The following BRINP2 variants were observed in gnomAD, a reference collection of about 807,000 sequenced individuals.
The protein encoded by BRINP2 is BMP/retinoic acid inducible neural specific 2.
Under a neutral mutation model 69.2 loss-of-function variants are expected in BRINP2, and 21 were observed. The observed-to-expected ratio is 0.30, with a 90% CI of 0.22 to 0.44. BRINP2 has a LOEUF of 0.44. BRINP2 is among the 20% of genes least tolerant of loss of function. BRINP2 has a pLI of 1.00. For missense variants in BRINP2, 877 were observed against 986.0 expected (o/e 0.89, Z 1.48); for synonymous variants, 380 against 394.1 (o/e 0.96, Z 0.42).
intron 1 of BRINP2, among the ~76,000 whole-genome samples, chr1:177,225,062 T>C (rs1649658074): frequency 6.6e-6 from 1 of 152,208 alleles, no homozygotes; most frequent in Non-Finnish European, 1.5e-5. Context: ...CATAAATGGA[T>C]ATTAAAAACA....
At chr1:177,192,695 A>G (rs572366026) in intron 1 of BRINP2, among the ~76,000 whole-genome samples, 11 of 152,348 alleles carry the variant, frequency 7.2e-5, no homozygotes, top group African/African-American at 2.4e-4. Context: ...TGTGAGTGAG[A>G]AAATGAAGAA....
chr1:177,217,587 G>A (rs542796716), intron 1 of BRINP2, among the ~76,000 whole-genome samples: 3 of 151,954 alleles, frequency 2.0e-5, no homozygotes, highest in East Asian at 3.9e-4. Context: ...TCCTTGTATC[G>A]GTGTTTATGC....
At chr1:177,277,523 T>C (rs1366989762) in intron 6 of BRINP2, among the ~76,000 whole-genome samples, 1 of 151,634 alleles carries the variant, frequency 6.6e-6, no homozygotes, top group African/African-American at 2.4e-5. Flanking sequence ...ATGTTTTACC[T>C]ATGCACATAC....
Position 177,229,936 on chromosome 1 carries a change from A to T in BRINP2, c.60A>T (p.Thr20=). 6.2e-7 allele frequency: 1 copy of T among 1,612,266 alleles called. No individual in the cohort carries two copies. Among genetic ancestry groups the T allele is most frequent in the Non-Finnish European group, 8.5e-7 (1 of 1,178,940 alleles). ...RGLRPAVAPW[T]ALLALGLPGW... is the part of the protein sequence containing the mutation. ...TTCGGCCGGCGGTGGCCCCATGGAC[A>T]GCCCTGCTGGCACTGGGCCTGCCTG... The change falls in exon 2 of 8, where the codon ACA becomes ACT. Residue 20 remains threonine, a synonymous_variant. Coordinates refer to ENST00000361539, the MANE Select transcript of BRINP2 (RefSeq NM_021165.4).
At chr1:177,279,671 T>C (rs1275609414) in intron 7 of BRINP2, among the ~76,000 whole-genome samples, 2 of 152,228 alleles carry the variant, frequency 1.3e-5, no homozygotes, top group East Asian at 3.8e-4. Context: ...CAACAAATAA[T>C]GATTAAAGGC....
chr1:177,176,983 T>C (rs920477435), intron 1 of BRINP2, among the ~76,000 whole-genome samples: 1 of 152,212 alleles, frequency 6.6e-6, no homozygotes, highest in African/African-American at 2.4e-5. Flanking sequence ...CTGGGTATGT[T>C]TGTCTTTCAA....
At chr1:177,236,231 G>A (rs1650018603) in intron 2 of BRINP2, among the ~76,000 whole-genome samples, 1 of 152,186 alleles carries the variant, frequency 6.6e-6, no homozygotes, top group Admixed American at 6.5e-5. Context: ...AGGCATCTTA[G>A]GCCTTCCGCC....
intron 1 of BRINP2, among the ~76,000 whole-genome samples, chr1:177,221,066 G>A (rs886388041): frequency 1.3e-5 from 2 of 152,128 alleles, no homozygotes; most frequent in Admixed American, 1.3e-4. Flanking sequence ...AGGAATCTAG[G>A]ATAACCTCAT....
In BRINP2 at chr1:177,278,645, C is replaced by T. The variant is rs1307728687; in HGVS notation, c.1095C>T (p.Asp365=). 6.2e-7 allele frequency: 1 copy of T among 1,614,236 alleles called. No homozygotes were observed. The highest frequency in any genetic ancestry group is 1.7e-5 in the Admixed American group (1 of 60,024). ...CTATCTCCCAGTTCTGGGCCATGGA[C>T]ACCAGCCTTCAGCACCGCTACCAGC... ...STAISQFWAM[D]TSLQHRYQQL... The change falls in exon 7 of 8, where the codon GAC becomes GAT. Residue 365 remains aspartate, a synonymous_variant. Transcript: ENST00000361539.
At chr1:177,184,662 A>AT (rs1011843660) in intron 1 of BRINP2, among the ~76,000 whole-genome samples, 46 of 149,822 alleles carry the variant, frequency 3.1e-4, no homozygotes, top group Admixed American at 5.3e-4. Flanking sequence ...TTTTTTAATC[A>AT]TTTTTTTCCC....
At chr1:177,176,915 C>T (rs987988912) in intron 1 of BRINP2, among the ~76,000 whole-genome samples, 7 of 152,134 alleles carry the variant, frequency 4.6e-5, no homozygotes, top group Admixed American at 1.3e-4. Context: ...TAGAAATAAC[C>T]GAGTAACTAA....
chr1:177,260,826 AT>A (rs1650924363), intron 4 of BRINP2, among the ~76,000 whole-genome samples: 1 of 152,226 alleles, frequency 6.6e-6, no homozygotes, highest in South Asian at 2.1e-4. Flanking sequence ...TAACTTTCAT[AT>A]GGCACTAGGA....
intron 1 of BRINP2, among the ~76,000 whole-genome samples, chr1:177,207,836 G>A (rs1649109724): frequency 6.6e-6 from 1 of 152,184 alleles, no homozygotes; most frequent in African/African-American, 2.4e-5. Flanking sequence ...GAGGTGAAGT[G>A]AGGAAAGTGA....
intron 2 of BRINP2, among the ~76,000 whole-genome samples, chr1:177,238,558 T>C (rs1650101944): frequency 6.6e-6 from 1 of 152,160 alleles, no homozygotes. Flanking sequence ...GCGTTTCCCA[T>C]TGCAGGGCTT....
intron 6 of BRINP2, 49 bp downstream of exon 6, chr1:177,276,483 C>T (rs1651500133): frequency 5.2e-6 from 8 of 1,550,788 alleles, no homozygotes; most frequent in African/African-American, 1.4e-5. Flanking sequence ...CTGTGAGGTA[C>T]AGAGCAAGAA....
In BRINP2 at chr1:177,256,863, TGA is replaced by T. The variant is rs572115196; in HGVS notation, c.461-304_461-303del. ...CCACGAAGACTCCTCGTAAACAACT[TGA>T]GAGAGAGAATTGTGTCTCCCCTATG... On this transcript the variant is annotated intron_variant, in intron 3 of 7. Coordinates refer to ENST00000361539, the MANE Select transcript of BRINP2 (RefSeq NM_021165.4). 67 of 1,195,018 alleles carry T rather than the reference TGA, an allele frequency of 5.6e-5. No homozygotes were observed. In the African/African-American group the frequency reaches 7.9e-4, roughly 14 times the overall value. 74.0% of individuals were successfully genotyped at this position (1,195,018 alleles called of 1,614,324 possible).
At chr1:177,245,838 G>A (rs1012952167) in intron 2 of BRINP2, among the ~76,000 whole-genome samples, 7 of 152,126 alleles carry the variant, frequency 4.6e-5, no homozygotes, top group Non-Finnish European at 8.8e-5. Flanking sequence ...TGTGAGAATA[G>A]CCAAACAGTG....
chr1:177,254,009 G>C (rs1182403058), intron 2 of BRINP2, among the ~76,000 whole-genome samples: 3 of 152,068 alleles, frequency 2.0e-5, no homozygotes, highest in Non-Finnish European at 4.4e-5. Flanking sequence ...GTTCTTACCA[G>C]TATAATTTGG....
chr1:177,187,234 C>T (rs59614546), intron 1 of BRINP2, among the ~76,000 whole-genome samples: 22,188 of 151,728 alleles, frequency 0.15, 2,913 homozygotes, highest in African/African-American at 0.35. Flanking sequence ...TTGTGCCCCC[C>T]TAACCCTCAC....
Sources: allele counts gnomAD v4.1 joint callset (sites outside exome capture counted in the v4.1 genomes callset), GRCh38; gene constraint gnomAD v4.1.1; transcripts MANE v1.5; gene names NCBI Gene and HGNC (gene_info 2026-07-23, HGNC 2026-07-21).